Variants in METAP1D observed in about 807,000 individuals in gnomAD.
METAP1D encodes the protein methionyl aminopeptidase type 1D, mitochondrial, also known as methionine aminopeptidase 1D, mitochondrial.
In METAP1D, 31 loss-of-function variants were observed where a neutral mutation model predicts 40.5. That is an observed-to-expected ratio of 0.77 (90% CI 0.58 to 1.03). The LOEUF is 1.03. METAP1D is among the 50% of genes least tolerant of loss of function. The pLI is 0.00. For missense variants in METAP1D, 411 were observed against 420.7 expected (o/e 0.98, Z 0.20); for synonymous variants, 151 against 146.4 (o/e 1.03, Z -0.22).
At chr2:172,059,987 G>A (rs1348308013) in intron 1 of METAP1D, among the ~76,000 whole-genome samples, 1 of 152,086 alleles carries the variant, frequency 6.6e-6, no homozygotes, top group Non-Finnish European at 1.5e-5. Context: ...GGAGGCGGAG[G>A]TTGCAGTGAG....
At chr2:172,059,465 G>A (rs879300825) in intron 1 of METAP1D, among the ~76,000 whole-genome samples, 1 of 152,110 alleles carries the variant, frequency 6.6e-6, no homozygotes, top group Non-Finnish European at 1.5e-5. Flanking sequence ...TAGGCTCTGT[G>A]GAACATGTGT....
At chr2:172,065,467 A>T (rs1425688103) in intron 3 of METAP1D, 137 bp from the exon 4 acceptor site, 1 of 856,140 alleles carries the variant, frequency 1.2e-6, no homozygotes, top group African/African-American at 1.7e-5. Flanking sequence ...ATCATAATTA[A>T]TTCAAATGTT....
Position 172,042,286 on chromosome 2 carries a change from T to C in METAP1D, c.41-19212T>C, listed in dbSNP as rs1263277919. Among the ~76,000 whole-genome samples, 5 of 27,892 alleles carry C rather than the reference T, an allele frequency of 1.8e-4. 2 individuals carry two copies. Among genetic ancestry groups the C allele is most frequent in the Non-Finnish European group, 2.9e-4 (4 of 13,954 alleles). The allele number at this position is 27,892 out of a possible 152,430, so 18.3% of individuals were successfully genotyped here. ...ATACATATATACATATATACATATG[T>C]ATGTGTACATGTGTACATATATACA... On this transcript the variant is annotated intron_variant, in intron 1 of 9. Coordinates refer to ENST00000315796, the MANE Select transcript of METAP1D (RefSeq NM_199227.3).
intron 1 of METAP1D, among the ~76,000 whole-genome samples, chr2:172,011,429 C>T (rs182771071): frequency 6.4e-4 from 98 of 152,088 alleles, no homozygotes; most frequent in African/African-American, 2.2e-3. Context: ...GGACTACAGG[C>T]GCCCGCCACC....
At chr2:172,080,261 C>T in intron 9 of METAP1D, 55 bp downstream of exon 9, 5 of 1,613,710 alleles carry the variant, frequency 3.1e-6, no homozygotes, top group Non-Finnish European at 4.2e-6. Flanking sequence ...AAGATTGGTC[C>T]GACGGCGCGC....
intron 1 of METAP1D, among the ~76,000 whole-genome samples, chr2:172,028,485 T>C (rs1689168996): frequency 6.6e-6 from 1 of 151,984 alleles, no homozygotes; most frequent in South Asian, 2.1e-4. Flanking sequence ...GAAAACTTAG[T>C]AATTATTCTC....
intron 1 of METAP1D, among the ~76,000 whole-genome samples, chr2:172,028,534 ATGTGTGTCTGTGTG>A (rs1295766674): frequency 8.0e-5 from 10 of 124,450 alleles, no homozygotes; most frequent in Middle Eastern, 4.2e-3. Context: ...AGACTTCTGT[ATGTGTGTCTGTGTG>A]TGTGTGTGTG....
chr2:172,080,522 C>A lies in METAP1D; in HGVS notation c.*116C>A. 1 of 1,077,028 alleles carries A rather than the reference C, an allele frequency of 9.3e-7. No homozygotes were observed. The highest frequency in any genetic ancestry group is 1.4e-6 in the Non-Finnish European group (1 of 721,070). The allele number at this position is 1,077,028 out of a possible 1,614,324, so 66.7% of individuals were successfully genotyped here. A position where few individuals can be genotyped will look rare whatever the true frequency, so the allele number is the denominator to read the frequency against. ...ACCGGTGGTGCGGTAACCTGCGTGG[C>A]TCCTGATAGCGTTTGGAAGAACGCG... On this transcript the variant is annotated 3_prime_UTR_variant, in exon 10 of 10. Coordinates refer to ENST00000315796, the MANE Select transcript of METAP1D (RefSeq NM_199227.3).
At chr2:172,060,074 A>G (rs528799507) in intron 1 of METAP1D, among the ~76,000 whole-genome samples, 7 of 152,078 alleles carry the variant, frequency 4.6e-5, no homozygotes, top group Admixed American at 1.3e-4. Context: ...CAAAAAACAA[A>G]AAACAAAAAA....
At chr2:172,041,801 A>C (rs1474311810) in intron 1 of METAP1D, among the ~76,000 whole-genome samples, 2 of 84,468 alleles carry the variant, frequency 2.4e-5, no homozygotes, top group East Asian at 7.1e-4. Flanking sequence ...TAATATATAT[A>C]TAGTTTTTTT....
chr2:172,040,533 G>T (rs1689494203), intron 1 of METAP1D, among the ~76,000 whole-genome samples: 1 of 152,082 alleles, frequency 6.6e-6, no homozygotes, highest in African/African-American at 2.4e-5. Flanking sequence ...CACTCTCTTC[G>T]AAAATTTTAA....
At chr2:172,068,930 T>C (rs1690355611) in intron 5 of METAP1D, among the ~76,000 whole-genome samples, 1 of 152,050 alleles carries the variant, frequency 6.6e-6, no homozygotes, top group African/African-American at 2.4e-5. Flanking sequence ...CTTTTTTTAC[T>C]TTTTCAGATA....
At chr2:172,069,876 A>C (rs771233838) in intron 5 of METAP1D, among the ~76,000 whole-genome samples, 1 of 152,204 alleles carries the variant, frequency 6.6e-6, no homozygotes, top group African/African-American at 2.4e-5. Flanking sequence ...CCTTCACAGA[A>C]TATGAGAGCA....
Position 172,063,769 on chromosome 2 carries a change from T to C in METAP1D, c.257T>C (p.Ile86Thr), listed in dbSNP as rs1690187907. The stretch of plus-strand genomic sequence containing the variant: ...ATTGTACCAGACTGGGGAGACAGCA[T>C]AGAAGTTAAGAATGAAGATCAGATT... ...TGIVPDWGDS[I>T]EVKNEDQIQG... The change falls in exon 3 of 10, where the codon ATA becomes ACA. Residue 86 changes from isoleucine to threonine, a missense_variant. By Grantham distance (89) the Ile-to-Thr change is moderately conservative (BLOSUM62 -1). Transcript: ENST00000315796. The C allele has an allele frequency of 1.2e-6, 2 of 1,613,954 alleles. No homozygotes were observed. The highest frequency in any genetic ancestry group is 1.7e-6 in the Non-Finnish European group (2 of 1,180,000).
chr2:172,041,767 T>TATATATATATATA (rs1689538431), intron 1 of METAP1D, among the ~76,000 whole-genome samples: 11 of 83,666 alleles, frequency 1.3e-4, no homozygotes, highest in Non-Finnish European at 2.3e-4. Context: ...TATATATATA[T>TATATATATATATA]TTCATCCCCC....
chr2:172,079,101 AAGAAG>A, intron 7 of METAP1D, 109 bp from the exon 8 acceptor site: 2 of 1,044,458 alleles, frequency 1.9e-6, no homozygotes, highest in Non-Finnish European at 2.9e-6. Flanking sequence ...CCTTCTCTAA[AAGAAG>A]AGAAATAAAA....
rs144212109 is a variant in METAP1D at position 172,058,076 on chromosome 2, G to A, written c.41-3422G>A. On this transcript the variant is annotated intron_variant, in intron 1 of 9. Transcript: ENST00000315796. ...CCTGCCTCAGCCTCCTGAGTAGCTG[G>A]ACTCCTGAGTAGCTGGACTGACTCC... Among the ~76,000 whole-genome samples the A allele has an allele frequency of 2.3e-3, 357 of 152,062 alleles. 3 individuals carry two copies. In the East Asian group the frequency reaches 0.033, roughly 14 times the overall value.
intron 1 of METAP1D, among the ~76,000 whole-genome samples, chr2:172,045,741 G>A (rs922217015): frequency 0.3 from 21,318 of 69,980 alleles, 3,654 homozygotes; most frequent in Non-Finnish European, 0.45. Context: ...GTATATATAT[G>A]TGTATATATG....
Position 172,042,256 on chromosome 2 carries a change from CACATATACATATATACAT to C in METAP1D, c.41-19240_41-19223del, listed in dbSNP as rs1273185371. ...ATACATATGTATGTGTACATGTGTA[CACATATACATATATACAT>C]ATATACATATGTATGTGTACATGTG... is the stretch of plus-strand genomic sequence containing the variant. On this transcript the variant is annotated intron_variant, in intron 1 of 9. Transcript: ENST00000315796. 3.3e-3 allele frequency among the ~76,000 whole-genome samples: 32 copies of C among 9,804 alleles called. 4 individuals are homozygous for C. In the East Asian group the frequency reaches 0.25, roughly 77 times the overall value. The allele number at this position is 9,804 out of a possible 152,430, so 6.4% of individuals were successfully genotyped here. A position where few individuals can be genotyped will look rare whatever the true frequency, so the allele number is the denominator to read the frequency against.
Sources: allele counts gnomAD v4.1 joint callset (sites outside exome capture counted in the v4.1 genomes callset), GRCh38; gene constraint gnomAD v4.1.1; transcripts MANE v1.5; gene names NCBI Gene and HGNC (gene_info 2026-07-23, HGNC 2026-07-21).